The following SEC14L6 variants were observed in gnomAD, a reference collection of about 807,000 sequenced individuals.
The protein encoded by SEC14L6 is SEC14 like lipid binding 6.
SEC14L6 carries 40 observed loss-of-function variants against 54.1 expected under a neutral mutation model. The ratio of observed to expected loss-of-function variants is 0.74; its 90% CI spans 0.57 to 0.96. The LOEUF (loss-of-function observed/expected upper bound fraction) is 0.96, where lower values mean the gene tolerates loss of function less well. SEC14L6 is among the 40% of genes least tolerant of loss of function. The pLI is 0.00. For synonymous variants in SEC14L6, 171 were observed against 198.4 expected (o/e 0.86, Z 1.16); for missense variants, 471 against 498.3 (o/e 0.95, Z 0.52).
At chr22:30,525,786 A>T in intron 9 of SEC14L6, 36 bp from the exon 10 acceptor site, 1 of 1,613,754 alleles carries the variant, frequency 6.2e-7, no homozygotes, top group South Asian at 1.1e-5. Context: ...ACTAGGTCAC[A>T]GCTTCTCCCC....
rs779459989 is a variant in SEC14L6, at chr22:30,532,523, A to T, written c.423+2T>A. ...CAGCTGCCCAGGGTGGCACCCACAC[A>T]CCTTCTGACTCTGCAGCTCACACTC... On this transcript the variant is annotated splice_donor_variant, in intron 5 of 11. Transcript: ENST00000402034. LOFTEE classifies it high-confidence loss of function. 1 of 1,546,358 alleles carries T rather than the reference A, an allele frequency of 6.5e-7. No homozygotes were observed. Among genetic ancestry groups the T allele is most frequent in the Non-Finnish European group, 8.7e-7 (1 of 1,144,422 alleles).
chr22:30,542,193 G>C (rs1018320957), intron 1 of SEC14L6, among the ~76,000 whole-genome samples: 1 of 152,186 alleles, frequency 6.6e-6, no homozygotes, highest in Non-Finnish European at 1.5e-5. Context: ...ACCTCGGCAC[G>C]GCTCTGAAAG....
At position 30,533,095 on chromosome 22, in the gene SEC14L6, G is replaced by A. The variant is rs574484604; in HGVS notation, c.175-239C>T. The A allele has an allele frequency of 3.0e-6, 3 of 985,390 alleles. No individual in the cohort carries two copies. In the African/African-American group the frequency reaches 5.2e-5, roughly 17 times the overall value. The allele number at this position is 985,390 out of a possible 1,614,324, so 61.0% of individuals were successfully genotyped here. On this transcript the variant is annotated intron_variant, in intron 3 of 11. Coordinates refer to ENST00000402034, the MANE Select transcript of SEC14L6 (RefSeq NM_001193336.4). ...CAGGGGAGGCCTGCACTCTGCAGCT[G>A]TCTCCCCCTGCATCCTTCCAGATGT...
chr22:30,541,622 C>A (rs1248603744), intron 1 of SEC14L6, among the ~76,000 whole-genome samples: 2 of 151,932 alleles, frequency 1.3e-5, no homozygotes, highest in Admixed American at 6.6e-5. Flanking sequence ...CACATCACTG[C>A]ACTCCAGCCT....
chr22:30,545,286 C>T (rs2085787409), intron 1 of SEC14L6, among the ~76,000 whole-genome samples: 1 of 152,234 alleles, frequency 6.6e-6, no homozygotes, highest in Admixed American at 6.5e-5. Context: ...TTCACCAGCC[C>T]TGTCCAATAT....
At chr22:30,534,823 G>A (rs532029826) in intron 2 of SEC14L6, among the ~76,000 whole-genome samples, 3 of 152,148 alleles carry the variant, frequency 2.0e-5, no homozygotes, top group South Asian at 2.1e-4. Context: ...TCAGGAGTTC[G>A]AGACCAGCCT....
At chr22:30,529,237 C>CG (rs745421781) in intron 7 of SEC14L6, 52 bp downstream of exon 7, 57 of 1,544,968 alleles carry the variant, frequency 3.7e-5, no homozygotes, top group Non-Finnish European at 4.9e-5. Context: ...ACCCGGTCAC[C>CG]GCACATCCCC....
chr22:30,525,722 C>T lies in SEC14L6; in HGVS notation c.800G>A (p.Ser267Asn). The T allele has an allele frequency of 6.2e-7, 1 of 1,613,958 alleles. No homozygotes were observed. The change falls in exon 10 of 12, where the codon AGC becomes AAC. Residue 267 changes from serine (S) to asparagine (N), a missense_variant. Ser to Asn is a conservative substitution (Grantham distance 46). Coordinates refer to ENST00000402034, the MANE Select transcript of SEC14L6 (RefSeq NM_001193336.4). ...CCTCACCTGCTTGCACAGGTAGTAG[C>T]TCTTGGGCACCTCACCCCCGTAGTT... ...KINYGGEVPKSYYLCKQVRLQ... is the reference protein window; with the variant it reads ...KINYGGEVPKNYYLCKQVRLQ...
intron 1 of SEC14L6, chr22:30,544,243 G>C: frequency 1.8e-6 from 1 of 547,758 alleles, no homozygotes; most frequent in East Asian, 2.9e-5. Context: ...ACCCCTCCTT[G>C]GCTCTCCAGC....
At chr22:30,545,911 A>G (rs1031159027) in intron 1 of SEC14L6, among the ~76,000 whole-genome samples, 2 of 151,674 alleles carry the variant, frequency 1.3e-5, no homozygotes, top group African/African-American at 4.8e-5. Context: ...GCCCACTGCA[A>G]CCTCCACCTC....
Position 30,524,781 on chromosome 22 carries a change from G to A in SEC14L6, c.*216C>T, listed in dbSNP as rs1010642972. On this transcript the variant is annotated 3_prime_UTR_variant, in exon 12 of 12. Coordinates refer to ENST00000402034, the MANE Select transcript of SEC14L6 (RefSeq NM_001193336.4). ...GGTCACAGCAGGTCATAGTGGGGAT[G>A]GAGTGTCTGTGTTGCTTTGCTGTGA... 2 of 512,258 alleles carry A rather than the reference G, an allele frequency of 3.9e-6. No homozygotes were observed. The highest frequency in any genetic ancestry group is 1.9e-5 in the African/African-American group (1 of 52,024). The allele number at this position is 512,258 out of a possible 1,614,324, so 31.7% of individuals were successfully genotyped here.
chr22:30,528,968 G>A (rs1455115703), intron 8 of SEC14L6, 119 bp downstream of exon 8: 2 of 844,666 alleles, frequency 2.4e-6, no homozygotes, highest in Non-Finnish European at 3.7e-6. Flanking sequence ...CAGGCAGTGG[G>A]CCCTCAACAC....
At chr22:30,543,273 G>A in intron 1 of SEC14L6, 5 of 1,587,230 alleles carry the variant, frequency 3.2e-6, no homozygotes, top group Non-Finnish European at 4.3e-6. Flanking sequence ...ACGTCACCTT[G>A]CGGGGGGACT....
chr22:30,525,825 C>T lies in SEC14L6; in HGVS notation c.771+1G>A, dbSNP rs1936757290. ...TTCCCCATCCTCTGGGCACCCTGTA[C>T]CTTGGTCAGGCACTTGGGGTTGCCA... On this transcript the variant is annotated splice_donor_variant, in intron 9 of 11. Coordinates refer to ENST00000402034, the MANE Select transcript of SEC14L6 (RefSeq NM_001193336.4). LOFTEE classifies it high-confidence loss of function. The T allele has an allele frequency of 1.9e-6, 3 of 1,613,680 alleles. No homozygotes were observed. Among genetic ancestry groups the T allele is most frequent in the East Asian group, 4.5e-5 (2 of 44,874 alleles).
intron 1 of SEC14L6, among the ~76,000 whole-genome samples, chr22:30,542,140 C>A (rs892074066): frequency 2.0e-5 from 3 of 152,174 alleles, no homozygotes; most frequent in African/African-American, 7.2e-5. Context: ...CCTCCCCATC[C>A]GTCTCGCGAC....
At chr22:30,544,756 G>C (rs148258791) in intron 1 of SEC14L6, among the ~76,000 whole-genome samples, 1 of 151,986 alleles carries the variant, frequency 6.6e-6, no homozygotes, top group Non-Finnish European at 1.5e-5. Context: ...TGCTCCACCC[G>C]GACGCATCTC....
chr22:30,532,557 G>A lies in SEC14L6; in HGVS notation c.391C>T (p.Leu131Phe), dbSNP rs1427611854. The A allele has an allele frequency of 6.4e-7, 1 of 1,550,506 alleles. No individual in the cohort carries two copies. The highest frequency in any genetic ancestry group is 8.7e-7 in the Non-Finnish European group (1 of 1,146,942). ...LRDSFRSCEL[L>F]LRECELQSQK... ...CTCTGCAGCTCACACTCCCGCAGGAGCAGCTCGCAGCTCCGGAAGCTGTCC... is the reference window on the plus strand; with the variant it reads ...CTCTGCAGCTCACACTCCCGCAGGAACAGCTCGCAGCTCCGGAAGCTGTCC... The change falls in exon 5 of 12, where the codon CTC becomes TTC. Residue 131 changes from leucine (L) to phenylalanine (F), a missense_variant. Physicochemically the swap from Leu to Phe is conservative, Grantham distance 22 (BLOSUM62 0). Coordinates refer to ENST00000402034, the MANE Select transcript of SEC14L6 (RefSeq NM_001193336.4).
In SEC14L6 at chr22:30,532,806, C is replaced by G. The variant is rs556277502; in HGVS notation, c.225G>C (p.Gln75His). ...QQDLANILAW[Q>H]PPEVVRLYNA... ...TTTGAGAGATGCTCACCTCTGGGGG[C>G]TGCCAGGCAAGGATGTTGGCCAGGT... The change falls in exon 4 of 12, where the codon CAG becomes CAC. Residue 75 changes from glutamine (Q) to histidine (H), a missense_variant. By Grantham distance (24) the Gln-to-His change is conservative (BLOSUM62 0). Transcript: ENST00000402034. The G allele has an allele frequency of 2.0e-4, 318 of 1,613,532 alleles. 1 individual carries two copies. The South Asian group carries it at 3.3e-3, about 17-fold the overall frequency.
chr22:30,525,667 G>T lies in SEC14L6; in HGVS notation c.855C>A (p.Gly285=), dbSNP rs750910043. 1 of 1,612,414 alleles carries T rather than the reference G, an allele frequency of 6.2e-7. No homozygotes were observed. The highest frequency in any genetic ancestry group is 1.1e-5 in the South Asian group (1 of 90,822). Residue 285 remains glycine, a synonymous_variant, in exon 10 of 12, where the codon GGC becomes GGA. Transcript: ENST00000402034. ...RLQYEHTRSV[G]RGSSLQVENE... is the part of the protein sequence containing the mutation. ...TCTCCACCTGCAGGGAGGAGCCGCG[G>T]CCCACGGACCTCGTGTGCTCATACT...
Sources: allele counts gnomAD v4.1 joint callset (sites outside exome capture counted in the v4.1 genomes callset), GRCh38; gene constraint gnomAD v4.1.1; transcripts MANE v1.5; gene names NCBI Gene and HGNC (gene_info 2026-07-23, HGNC 2026-07-21).